Variants in DGKZ observed in about 807,000 individuals in gnomAD.
DGKZ encodes the protein DAG kinase zeta.
Under a neutral mutation model 142.5 loss-of-function variants are expected in DGKZ, and 45 were observed. The ratio of observed to expected loss-of-function variants is 0.32; its 90% CI spans 0.25 to 0.40. DGKZ has a LOEUF of 0.40. Ranked by LOEUF, DGKZ falls within the 10% of genes least tolerant of loss-of-function variation. The probability of loss-of-function intolerance (pLI) is 1.00; values close to 1 mark genes in which losing one functional copy is unlikely to be tolerated. For synonymous variants in DGKZ, 442 were observed against 527.0 expected (o/e 0.84, Z 2.21); for missense variants, 755 against 1,306.5 (o/e 0.58, Z 6.51).
intron 1 of DGKZ, chr11:46,365,977 A>C (rs1038898536): frequency 1.0e-6 from 1 of 985,072 alleles, no homozygotes; most frequent in Non-Finnish European, 1.2e-6. Context: ...AGGGCTCCCT[A>C]GGGTGCAATG....
At position 46,353,750 on chromosome 11, in the gene DGKZ, T is replaced by C. The variant is rs533900134; in HGVS notation, c.161+5930T>C. Among the ~76,000 whole-genome samples the C allele has an allele frequency of 3.0e-4, 44 of 144,762 alleles. No individual in the cohort carries two copies. The South Asian group carries it at 6.0e-3, about 20-fold the overall frequency. 95.0% of individuals were successfully genotyped at this position (144,762 alleles called of 152,430 possible). A position where few individuals can be genotyped will look rare whatever the true frequency, so the allele number is the denominator to read the frequency against. ...GAGGAGAGGGAGGGCCCCAGCATCCTCCTCATCTACACTGAGACCTCCTCC... is the reference window on the plus strand; with the variant it reads ...GAGGAGAGGGAGGGCCCCAGCATCCCCCTCATCTACACTGAGACCTCCTCC... On this transcript the variant is annotated intron_variant, in intron 1 of 30. Coordinates refer to ENST00000527911, the Ensembl canonical transcript of DGKZ.
chr11:46,366,695 C>T lies in DGKZ; in HGVS notation c.162-596C>T, dbSNP rs779232338. On this transcript the variant is annotated intron_variant, in intron 1 of 30. Coordinates refer to ENST00000527911, the Ensembl canonical transcript of DGKZ. The stretch of plus-strand genomic sequence containing the variant: ...CAAGACACCAGGGCCACCCCCACCT[C>T]GGGGCGCCCAGCCGCTGTTGCCCCT... 19 of 1,567,738 alleles carry T rather than the reference C, an allele frequency of 1.2e-5. No individual in the cohort carries two copies. In the African/African-American group the frequency reaches 1.9e-4, roughly 16 times the overall value.
intron 1 of DGKZ, chr11:46,364,515 C>G: frequency 9.1e-6 from 11 of 1,214,990 alleles, no homozygotes; most frequent in Admixed American, 3.0e-5. Context: ...GAGCACTGCC[C>G]TGACCTCCCT....
exon 1 of DGKZ, chr11:46,333,057 C>G (rs941341765): frequency 2.7e-6 from 1 of 368,790 alleles, no homozygotes. Flanking sequence ...GAGCCCCCGC[C>G]CCCCCGGAGC....
chr11:46,376,812 C>A, intron 24 of DGKZ: 1 of 651,840 alleles, frequency 1.5e-6, no homozygotes, highest in Non-Finnish European at 2.6e-6. Flanking sequence ...GTAGGAGGGC[C>A]TGGAAGCCCA....
rs376212984 is a variant in DGKZ, at chr11:46,366,284, C to T, written c.162-1007C>T. The T allele has an allele frequency of 2.8e-5, 44 of 1,583,270 alleles. 1 individual carries two copies. The highest frequency in any genetic ancestry group is 3.4e-4 in the Middle Eastern group (2 of 5,800). ...GGAGACTTTCTTTAGGAGACATTTC[C>T]GGGGGAAGGTGCCAGGCCCTGGAGA... On this transcript the variant is annotated intron_variant, in intron 1 of 30. Coordinates refer to ENST00000527911, the Ensembl canonical transcript of DGKZ.
rs755037364 is a variant in DGKZ at position 46,379,208 on chromosome 11, C to G, written c.2545C>G (p.Pro849Ala). The stretch of plus-strand genomic sequence containing the variant: ...CACCACCTCCCCTTCTCCAGCCCCC[C>G]CAGAGATCCTTGATGCGGTGGAGGA... Residue 849 changes from proline (P) to alanine (A), a missense_variant, in exon 29 of 31, where the codon CCA (proline) becomes GCA (alanine). Coordinates refer to ENST00000527911, the Ensembl canonical transcript of DGKZ. 1.3e-5 allele frequency: 21 copies of G among 1,612,990 alleles called. No individual in the cohort carries two copies. The highest frequency in any genetic ancestry group is 1.6e-5 in the Non-Finnish European group (19 of 1,179,948).
At chr11:46,369,706 G>A (rs1159808960) in intron 5 of DGKZ, 156 bp downstream of exon 5, 6 of 1,050,502 alleles carry the variant, frequency 5.7e-6, no homozygotes, top group Non-Finnish European at 7.1e-6. Context: ...CCTAACTAGC[G>A]CTGCCTGCGG....
In DGKZ at chr11:46,366,360, G is replaced by C. The variant is rs377451293; in HGVS notation, c.162-931G>C. The C allele has an allele frequency of 5.6e-5, 86 of 1,529,144 alleles. No homozygotes were observed. The African/African-American group carries it at 1.2e-3, about 21-fold the overall frequency. 94.7% of individuals were successfully genotyped at this position (1,529,144 alleles called of 1,614,324 possible). On this transcript the variant is annotated intron_variant, in intron 1 of 30. Transcript: ENST00000527911. ...GGGCTGCCCACAGGCAAGGCCCGGC[G>C]TCGCTCCCCCGCTGGGCAGGCCTCC...
At chr11:46,365,154 G>C (rs1943103547) in intron 1 of DGKZ, 1 of 985,466 alleles carries the variant, frequency 1.0e-6, no homozygotes, top group East Asian at 1.1e-4. Context: ...ATGGAGGCCA[G>C]GTCCAGGTGG....
chr11:46,333,185 C>A (rs2136370148), exon 1 of DGKZ: 1 of 1,136,660 alleles, frequency 8.8e-7, no homozygotes, highest in Non-Finnish European at 1.1e-6. Flanking sequence ...TCCCTCCCCG[C>A]CTCGCGTCCC....
intron 6 of DGKZ, among the ~76,000 whole-genome samples, chr11:46,370,929 C>G (rs1002677354): frequency 6.6e-6 from 1 of 151,936 alleles, no homozygotes; most frequent in Admixed American, 6.6e-5. Flanking sequence ...ACTGAAAATA[C>G]AAAAAATTAG....
intron 1 of DGKZ, among the ~76,000 whole-genome samples, chr11:46,335,843 A>G (rs2136373812): frequency 6.6e-6 from 1 of 152,280 alleles, no homozygotes. Context: ...CTCTCCAACT[A>G]AGCCCTCTCT....
At chr11:46,374,449 G>A in exon 16 of DGKZ, 1 of 1,613,990 alleles carries the variant, frequency 6.2e-7, no homozygotes, top group Non-Finnish European at 8.5e-7. Flanking sequence ...GATGTTCTAC[G>A]CCGGGGTGAG....
At chr11:46,364,132 C>G (rs1942998050) in intron 1 of DGKZ, among the ~76,000 whole-genome samples, 1 of 152,202 alleles carries the variant, frequency 6.6e-6, no homozygotes, top group South Asian at 2.1e-4. Context: ...GCCTCATGTT[C>G]CAGGAGGAAG....
At chr11:46,380,134 C>T (rs1348901356) in exon 31 of DGKZ, 2 of 609,024 alleles carry the variant, frequency 3.3e-6, no homozygotes, top group African/African-American at 3.7e-5. Context: ...GGGGCCTCAC[C>T]TGTTCCCCTG....
intron 19 of DGKZ, 63 bp downstream of exon 19, chr11:46,375,108 T>C (rs1332697717): frequency 2.8e-6 from 4 of 1,432,272 alleles, no homozygotes; most frequent in South Asian, 1.4e-5. Context: ...GGGTCACCCA[T>C]ACTCACCTCC....
At chr11:46,364,047 A>G (rs1352838882) in intron 1 of DGKZ, among the ~76,000 whole-genome samples, 1 of 152,222 alleles carries the variant, frequency 6.6e-6, no homozygotes, top group Non-Finnish European at 1.5e-5. Flanking sequence ...ATGATAAAGT[A>G]CTTAGCCCAG....
At chr11:46,364,367 G>A in intron 1 of DGKZ, 1 of 1,289,120 alleles carries the variant, frequency 7.8e-7, no homozygotes, top group Non-Finnish European at 1.0e-6. Context: ...GACACATAGG[G>A]GCTCAGTAAA....
Sources: allele counts gnomAD v4.1 joint callset (sites outside exome capture counted in the v4.1 genomes callset), GRCh38; gene constraint gnomAD v4.1.1; transcripts MANE v1.5; gene names NCBI Gene and HGNC (gene_info 2026-07-23, HGNC 2026-07-21).